Variants in MAP2 observed in about 807,000 individuals in gnomAD.
MAP2 encodes the protein microtubule-associated protein 2.
MAP2 carries 14 observed loss-of-function variants against 137.6 expected under a neutral mutation model. The observed-to-expected ratio is 0.10, with a 90% confidence interval of 0.07 to 0.16. MAP2 has a LOEUF of 0.16. Ranked by LOEUF, MAP2 falls within the 10% of genes least tolerant of loss-of-function variation. MAP2 has a pLI of 1.00. For missense variants in MAP2, 2,088 were observed against 2,191.5 expected (o/e 0.95, Z 0.94); for synonymous variants, 786 against 782.3 (o/e 1.00, Z -0.08).
At chr2:209,508,584 CCACACACA>C (rs56195417) in intron 2 of MAP2, among the ~76,000 whole-genome samples, 29,679 of 145,904 alleles carry the variant, frequency 0.2, 3,265 homozygotes, top group Non-Finnish European at 0.26. Flanking sequence ...TCTCTCTGTC[CCACACACA>C]CACACACACA....
chr2:209,711,493 T>C (rs1196041311), intron 13 of MAP2, among the ~76,000 whole-genome samples: 11 of 152,110 alleles, frequency 7.2e-5, no homozygotes, highest in Non-Finnish European at 1.0e-4. Flanking sequence ...TTTAGAACAA[T>C]GATAACATTC....
At chr2:209,438,970 T>C (rs1426784090) in intron 1 of MAP2, among the ~76,000 whole-genome samples, 1 of 151,450 alleles carries the variant, frequency 6.6e-6, no homozygotes, top group Non-Finnish European at 1.5e-5. Flanking sequence ...CCAACTCTAA[T>C]AAAAATTTCA....
chr2:209,607,203 C>T (rs184933284), intron 3 of MAP2, among the ~76,000 whole-genome samples: 23 of 152,192 alleles, frequency 1.5e-4, no homozygotes, highest in Admixed American at 5.2e-4. Context: ...AAACATTTTC[C>T]AAAGTTGAAG....
At chr2:209,562,120 C>T (rs1030245667) in intron 2 of MAP2, among the ~76,000 whole-genome samples, 2 of 152,112 alleles carry the variant, frequency 1.3e-5, no homozygotes, top group African/African-American at 4.8e-5. Flanking sequence ...TGCTGAAACT[C>T]ATTCTTCAAA....
intron 1 of MAP2, among the ~76,000 whole-genome samples, chr2:209,475,813 A>G (rs1030154436): frequency 7.9e-5 from 12 of 152,176 alleles, no homozygotes; most frequent in Non-Finnish European, 1.2e-4. Flanking sequence ...ACTTAAGTAC[A>G]AGAAATATGA....
chr2:209,614,894 G>A (rs899418655), intron 3 of MAP2, among the ~76,000 whole-genome samples: 2 of 152,074 alleles, frequency 1.3e-5, no homozygotes, highest in African/African-American at 4.8e-5. Context: ...AAACTCTTCC[G>A]CAAGACTCCA....
chr2:209,546,418 G>A (rs1040600619), intron 2 of MAP2, among the ~76,000 whole-genome samples: 5 of 152,154 alleles, frequency 3.3e-5, no homozygotes, highest in African/African-American at 9.7e-5. Flanking sequence ...TGATTATGTA[G>A]TTATGTATTA....
At chr2:209,690,496 C>A in intron 7 of MAP2, 1 of 846,312 alleles carries the variant, frequency 1.2e-6, no homozygotes, top group Non-Finnish European at 1.6e-6. Context: ...CAGCTGAGGT[C>A]TTCATGAGGT....
chr2:209,464,078 C>G lies in MAP2; in HGVS notation c.-222+39802C>G, dbSNP rs146632460. Among the ~76,000 whole-genome samples the G allele has an allele frequency of 4.6e-5, 7 of 152,208 alleles. No homozygotes were observed. In the East Asian group the frequency reaches 1.4e-3, roughly 29 times the overall value. ...TGACTGGGGAAAATTAGCTGTATTACTGTATTATTTTTCTTCATGAACAGG... is the reference window on the plus strand; with the variant it reads ...TGACTGGGGAAAATTAGCTGTATTAGTGTATTATTTTTCTTCATGAACAGG... On this transcript the variant is annotated intron_variant, in intron 1 of 15. Coordinates refer to ENST00000682079, the MANE Select transcript of MAP2 (RefSeq NM_001375505.1).
intron 1 of MAP2, among the ~76,000 whole-genome samples, chr2:209,491,582 A>G (rs1270516972): frequency 6.6e-6 from 1 of 152,180 alleles, no homozygotes; most frequent in African/African-American, 2.4e-5. Context: ...GAAGAATCAA[A>G]TAGACACAAT....
rs779205587 is a variant in MAP2 at position 209,705,774 on chromosome 2, C to T, written c.4732+47C>T. 3 of 1,502,920 alleles carry T rather than the reference C, an allele frequency of 2.0e-6. No homozygotes were observed. The African/African-American group carries it at 4.2e-5, about 21-fold the overall frequency. The allele number at this position is 1,502,920 out of a possible 1,614,324, so 93.1% of individuals were successfully genotyped here. A position where few individuals can be genotyped will look rare whatever the true frequency, so the allele number is the denominator to read the frequency against. ...TTCCTTTTTAAGCACTTTTTAAATCCTTTAAGTGGAATAGCACTTATATTT... is the reference window on the plus strand; with the variant it reads ...TTCCTTTTTAAGCACTTTTTAAATCTTTTAAGTGGAATAGCACTTATATTT... On this transcript the variant is annotated intron_variant, in intron 12 of 15. Coordinates refer to ENST00000682079, the MANE Select transcript of MAP2 (RefSeq NM_001375505.1).
rs185905356 is a variant in MAP2 at position 209,454,211 on chromosome 2, C to A, written c.-222+29935C>A. On this transcript the variant is annotated intron_variant, in intron 1 of 15. Coordinates refer to ENST00000682079, the MANE Select transcript of MAP2 (RefSeq NM_001375505.1). ...AAATTTTAATGCAATTAGCTCAGCC[C>A]AGGAGAGAGTGAAAAAGCTCAATTC... Among the ~76,000 whole-genome samples the A allele has an allele frequency of 7.4e-5, 11 of 149,548 alleles. No homozygotes were observed. In the East Asian group the frequency reaches 2.0e-3, roughly 27 times the overall value.
chr2:209,485,352 G>C (rs572265723), intron 1 of MAP2, among the ~76,000 whole-genome samples: 38 of 152,224 alleles, frequency 2.5e-4, no homozygotes, highest in African/African-American at 9.2e-4. Context: ...ATTCATTAGA[G>C]GTGGATTATA....
intron 1 of MAP2, among the ~76,000 whole-genome samples, chr2:209,469,745 C>G (rs1484749656): frequency 6.6e-6 from 1 of 152,120 alleles, no homozygotes; most frequent in Non-Finnish European, 1.5e-5. Context: ...TAAGAATTAC[C>G]TAAGCAAGTG....
chr2:209,465,599 G>A (rs12052799), intron 1 of MAP2, among the ~76,000 whole-genome samples: 124,212 of 152,050 alleles, frequency 0.82, 51,882 homozygotes, highest in Non-Finnish European at 0.92. Flanking sequence ...TTTCCATTCA[G>A]TAGTCTCAGT....
chr2:209,699,557 G>A (rs1230584125), intron 10 of MAP2, among the ~76,000 whole-genome samples: 2 of 152,122 alleles, frequency 1.3e-5, no homozygotes, highest in Non-Finnish European at 2.9e-5. Flanking sequence ...GAATCCAGAA[G>A]CATAAAACAG....
intron 2 of MAP2, among the ~76,000 whole-genome samples, chr2:209,563,371 G>A (rs2072620748): frequency 6.7e-6 from 1 of 149,476 alleles, no homozygotes; most frequent in Non-Finnish European, 1.5e-5. Context: ...GGCAAAAAAT[G>A]CAATTACTTT....
chr2:209,586,460 G>A (rs1008438644), intron 3 of MAP2, among the ~76,000 whole-genome samples: 2 of 152,026 alleles, frequency 1.3e-5, no homozygotes, highest in African/African-American at 4.8e-5. Flanking sequence ...ACTTTATCCT[G>A]GACTGAAGGA....
chr2:209,470,566 G>A (rs1705415119), intron 1 of MAP2, among the ~76,000 whole-genome samples: 1 of 151,736 alleles, frequency 6.6e-6, no homozygotes. Context: ...CTGAACTGCA[G>A]TGGGTAAGGG....
Sources: allele counts gnomAD v4.1 joint callset (sites outside exome capture counted in the v4.1 genomes callset), GRCh38; gene constraint gnomAD v4.1.1; transcripts MANE v1.5; gene names NCBI Gene and HGNC (gene_info 2026-07-23, HGNC 2026-07-21).